Variants in IL23R observed in about 807,000 individuals in gnomAD.
The protein encoded by IL23R is interleukin-23 receptor.
Under a neutral mutation model 56.9 loss-of-function variants are expected in IL23R, and 34 were observed. The observed-to-expected ratio is 0.60, with a 90% CI of 0.45 to 0.80. The LOEUF is 0.80. Ranked by LOEUF, IL23R falls within the 30% of genes least tolerant of loss-of-function variation. The probability of loss-of-function intolerance (pLI) is 0.00; values close to 1 mark genes in which losing one functional copy is unlikely to be tolerated. For missense variants in IL23R, 635 were observed against 730.0 expected, an observed-to-expected ratio of 0.87 and a Z score of 1.50; for synonymous variants, 230 against 249.2, an observed-to-expected ratio of 0.92 and a Z score of 0.73.
At chr1:67,212,710 A>G (rs1649568608) in intron 6 of IL23R, among the ~76,000 whole-genome samples, 1 of 151,594 alleles carries the variant, frequency 6.6e-6, no homozygotes, top group African/African-American at 2.4e-5. Flanking sequence ...TGCCCAGCTA[A>G]ATTTTAAAAA....
At chr1:67,176,698 A>G (rs1188112053) in intron 3 of IL23R, among the ~76,000 whole-genome samples, 1 of 152,088 alleles carries the variant, frequency 6.6e-6, no homozygotes, top group African/African-American at 2.4e-5. Flanking sequence ...GGCTTGTTTC[A>G]TACATATACA....
chr1:67,221,468 T>G (rs1650249793), intron 7 of IL23R, among the ~76,000 whole-genome samples: 1 of 152,266 alleles, frequency 6.6e-6, no homozygotes, highest in East Asian at 1.9e-4. Context: ...GCTGATTTAT[T>G]GTTTATCTTT....
intron 6 of IL23R, among the ~76,000 whole-genome samples, chr1:67,212,543 CTT>C (rs71663275): frequency 2.8e-5 from 4 of 145,094 alleles, no homozygotes; most frequent in African/African-American, 1.0e-4. Flanking sequence ...GTCATGCAAT[CTT>C]TTTTTTTTTT....
intron 8 of IL23R, among the ~76,000 whole-genome samples, chr1:67,239,067 G>C (rs1219701868): frequency 6.6e-6 from 1 of 152,090 alleles, no homozygotes; most frequent in Non-Finnish European, 1.5e-5. Flanking sequence ...TACCCAACAT[G>C]GCTCTAGAAC....
chr1:67,192,078 G>A (rs1168985401), intron 4 of IL23R, among the ~76,000 whole-genome samples: 1 of 152,150 alleles, frequency 6.6e-6, no homozygotes, highest in Admixed American at 6.5e-5. Context: ...CAGTGCATTT[G>A]GTGAGGGAAA....
chr1:67,168,435 A>G (rs1275687967), intron 2 of IL23R, among the ~76,000 whole-genome samples: 1 of 152,220 alleles, frequency 6.6e-6, no homozygotes, highest in Non-Finnish European at 1.5e-5. Flanking sequence ...TATTTCCACA[A>G]AGGAGCTTAT....
downstream of IL23R, among the ~76,000 whole-genome samples, chr1:67,264,946 G>C (rs926491617): frequency 1.3e-5 from 2 of 150,786 alleles, no homozygotes; most frequent in Non-Finnish European, 2.9e-5. Flanking sequence ...GACGGGGTTG[G>C]GGGGGAACCC....
intron 8 of IL23R, among the ~76,000 whole-genome samples, chr1:67,237,476 G>A (rs115561576): frequency 8.5e-4 from 129 of 152,254 alleles, no homozygotes; most frequent in Non-Finnish European, 1.3e-3. Context: ...TAAGTGTTAC[G>A]CATCTATTTT....
chr1:67,183,729 A>G (rs577590960), intron 4 of IL23R, among the ~76,000 whole-genome samples: 1 of 152,242 alleles, frequency 6.6e-6, no homozygotes, highest in Non-Finnish European at 1.5e-5. Flanking sequence ...ATTATGCCAT[A>G]TTACCACTAA....
At position 67,255,849 on chromosome 1, in the gene IL23R, G is replaced by T; in HGVS notation, c.1161G>T (p.Arg387Ser). 6.5e-7 allele frequency: 1 copy of T among 1,541,360 alleles called. No individual in the cohort carries two copies. Among genetic ancestry groups the T allele is most frequent in the Non-Finnish European group, 9.0e-7 (1 of 1,113,968 alleles). Residue 387 changes from arginine (R) to serine (S), a missense_variant, in exon 10 of 11, where the codon AGG becomes AGT. Arg to Ser is a moderately radical substitution (Grantham distance 110). Transcript: ENST00000347310. The stretch of plus-strand genomic sequence containing the variant: ...TTTTGTTTTTTAGGATTAAAAGAAG[G>T]ATCTTATTGTTAATACCAAAGTGGC... ...NRSFRTGIKR[R>S]ILLLIPKWLY...
intron 1 of IL23R, among the ~76,000 whole-genome samples, chr1:67,145,859 CTG>C (rs1165197370): frequency 6.6e-6 from 1 of 152,120 alleles, no homozygotes; most frequent in Non-Finnish European, 1.5e-5. Flanking sequence ...TGGGGTAGCT[CTG>C]TGGTTGGTTT....
chr1:67,173,189 C>A (rs17129692), intron 3 of IL23R, among the ~76,000 whole-genome samples: 3,210 of 152,172 alleles, frequency 0.021, 100 homozygotes, highest in African/African-American at 0.073. Context: ...AATAACCTGG[C>A]AATGAGGCCT....
intron 9 of IL23R, among the ~76,000 whole-genome samples, chr1:67,244,744 G>A (rs564632314): frequency 1.3e-5 from 2 of 152,246 alleles, no homozygotes; most frequent in South Asian, 2.1e-4. Context: ...GTCAGATAGC[G>A]TGATGCCTCC....
At chr1:67,200,494 G>C (rs1468697756) in intron 4 of IL23R, among the ~76,000 whole-genome samples, 3 of 151,158 alleles carry the variant, frequency 2.0e-5, no homozygotes, top group Non-Finnish European at 4.4e-5. Flanking sequence ...CCGGGTTCCA[G>C]CAATTCTCCT....
At chr1:67,154,787 C>A (rs1470593742) in intron 1 of IL23R, among the ~76,000 whole-genome samples, 3 of 152,124 alleles carry the variant, frequency 2.0e-5, no homozygotes, top group Non-Finnish European at 1.5e-5. Flanking sequence ...AGCCCATTTA[C>A]ATTTAAAGTT....
At chr1:67,260,488 C>G (rs2100402587), downstream of IL23R, among the ~76,000 whole-genome samples, 1 of 152,194 alleles carries the variant, frequency 6.6e-6, no homozygotes, top group East Asian at 1.9e-4. Flanking sequence ...TATCACCAGC[C>G]AATCAGAACA....
chr1:67,197,624 G>A (rs1648260792), intron 4 of IL23R, among the ~76,000 whole-genome samples: 1 of 152,230 alleles, frequency 6.6e-6, no homozygotes, highest in Admixed American at 6.5e-5. Context: ...GGACACTCCT[G>A]TGTTAGTCCA....
chr1:67,182,904 TGGAATGCTG>T lies in IL23R; in HGVS notation c.441_449del (p.Asn147_Gly149del). Reference sequence around the variant, plus strand: ...ATATTCAGGCAACATGACTTGCACCTGGAATGCTGGGAAGCTCACCTACATAGACACAAA... The same window carrying T: ...ATATTCAGGCAACATGACTTGCACCTGGAAGCTCACCTACATAGACACAAA... On this transcript the variant is annotated inframe_deletion, in exon 4 of 11. Coordinates refer to ENST00000347310, the MANE Select transcript of IL23R (RefSeq NM_144701.3). 6.2e-7 allele frequency: 1 copy of T among 1,614,096 alleles called. No homozygotes were observed. The highest frequency in any genetic ancestry group is 8.5e-7 in the Non-Finnish European group (1 of 1,179,968).
chr1:67,168,666 G>C (rs1024160727), intron 2 of IL23R, among the ~76,000 whole-genome samples: 2 of 152,126 alleles, frequency 1.3e-5, no homozygotes, highest in Non-Finnish European at 2.9e-5. Context: ...ACAAAAGATT[G>C]GTTGAGTAGC....
Sources: allele counts gnomAD v4.1 joint callset (sites outside exome capture counted in the v4.1 genomes callset), GRCh38; gene constraint gnomAD v4.1.1; transcripts MANE v1.5; gene names NCBI Gene and HGNC (gene_info 2026-07-23, HGNC 2026-07-21).